ANXA11: variants seen among roughly 807,000 people sequenced by gnomAD.
The protein encoded by ANXA11 is 56 kDa autoantigen.
In ANXA11, 57 loss-of-function variants were observed where a neutral mutation model predicts 64.7. The ratio of observed to expected loss-of-function variants is 0.88; its 90% CI spans 0.71 to 1.10. The LOEUF (loss-of-function observed/expected upper bound fraction) is 1.10, where lower values mean the gene tolerates loss of function less well. ANXA11 is among the 50% of genes least tolerant of loss of function. The probability of loss-of-function intolerance (pLI) is 0.00; values close to 1 mark genes in which losing one functional copy is unlikely to be tolerated. For missense variants in ANXA11, 675 were observed against 670.7 expected (o/e 1.01, Z -0.07); for synonymous variants, 260 against 265.2 (o/e 0.98, Z 0.19).
intron 1 of ANXA11, among the ~76,000 whole-genome samples, chr10:80,179,260 G>A (rs1846275881): frequency 6.6e-6 from 1 of 152,138 alleles, no homozygotes; most frequent in Non-Finnish European, 1.5e-5. Context: ...ATGATTGTAA[G>A]TTTCCTGAGG....
At chr10:80,175,985 CG>C (rs1589435116) in intron 2 of ANXA11, 121 bp downstream of exon 2, 1 of 152,156 alleles carries the variant, frequency 6.6e-6, no homozygotes, top group Non-Finnish European at 1.5e-5. Context: ...ACCTGGGAGG[CG>C]GAAGTTGCAG....
intron 1 of ANXA11, among the ~76,000 whole-genome samples, chr10:80,184,154 A>T (rs1846452402): frequency 6.6e-6 from 1 of 152,208 alleles, no homozygotes; most frequent in African/African-American, 2.4e-5. Context: ...ACACCCCTGT[A>T]TTGTTTTGAA....
At chr10:80,166,641 T>C in intron 7 of ANXA11, 1 of 548,278 alleles carries the variant, frequency 1.8e-6, no homozygotes, top group Non-Finnish European at 3.3e-6. Flanking sequence ...ACAACCTCAG[T>C]GAGATGTGGC....
Position 80,162,038 on chromosome 10 carries a change from G to A in ANXA11, c.1087-10C>T, listed in dbSNP as rs762584554. On this transcript the variant is annotated splice_polypyrimidine_tract_variant and intron_variant, in intron 11 of 15. Coordinates refer to ENST00000422982, the MANE Select transcript of ANXA11 (RefSeq NM_145868.2). ...CGGCCGCATACAGCTCCTGGAGAGAGAGGAAGACGCACATGTGGCACAGGC... is the reference window on the plus strand; with the variant it reads ...CGGCCGCATACAGCTCCTGGAGAGAAAGGAAGACGCACATGTGGCACAGGC... 2 of 1,607,198 alleles carry A rather than the reference G, an allele frequency of 1.2e-6. No individual in the cohort carries two copies. The highest frequency in any genetic ancestry group is 1.3e-5 in the African/African-American group (1 of 74,918).
intron 1 of ANXA11, among the ~76,000 whole-genome samples, chr10:80,186,922 G>C (rs912627366): frequency 2.0e-5 from 3 of 152,220 alleles, no homozygotes; most frequent in Non-Finnish European, 4.4e-5. Flanking sequence ...GCTCACATAA[G>C]AGCCAATGCT....
Position 80,163,535 on chromosome 10 carries a change from TGAGA to T in ANXA11, c.1024_1027del (p.Ser342ArgfsTer50). ...CGAGCCCTGTCGTGGGAAAAGTACC[TGAGA>T]GAGAGAGATGAGGAGCCGCTGGAAG... On this transcript the variant is annotated frameshift_variant and splice_region_variant, in exon 10 of 16. Transcript: ENST00000422982. LOFTEE classifies it high-confidence loss of function. 3 of 1,583,780 alleles carry T rather than the reference TGAGA, an allele frequency of 1.9e-6. No individual in the cohort carries two copies. The highest frequency in any genetic ancestry group is 2.3e-5 in the East Asian group (1 of 43,544).
At chr10:80,159,794 C>G (rs1288699149) in intron 12 of ANXA11, among the ~76,000 whole-genome samples, 8 of 152,174 alleles carry the variant, frequency 5.3e-5, no homozygotes, top group African/African-American at 1.9e-4. Flanking sequence ...ACCTTAATAC[C>G]CCTCCAGGGC....
At chr10:80,196,125 C>T (rs1167883936) in intron 1 of ANXA11, among the ~76,000 whole-genome samples, 1 of 152,216 alleles carries the variant, frequency 6.6e-6, no homozygotes, top group East Asian at 1.9e-4. Flanking sequence ...AGGATAGATA[C>T]ATATATTACA....
rs1219092277 is a variant in ANXA11 at position 80,152,743 on chromosome 10, G to A, written c.*3110C>T. The A allele has an allele frequency of 6.6e-6, 1 of 152,376 alleles. No individual in the cohort carries two copies. Among genetic ancestry groups the A allele is most frequent in the Non-Finnish European group, 1.5e-5 (1 of 68,174 alleles). The allele number at this position is 152,376 out of a possible 1,614,324, so 9.4% of individuals were successfully genotyped here. A position where few individuals can be genotyped will look rare whatever the true frequency, so the allele number is the denominator to read the frequency against. The stretch of plus-strand genomic sequence containing the variant: ...GCTCTGTGGCTCCTGCCACCCCCAT[G>A]CTTGCAGGTGCACTCCCTGGCTACA... On this transcript the variant is annotated 3_prime_UTR_variant, in exon 16 of 16. Coordinates refer to ENST00000422982, the MANE Select transcript of ANXA11 (RefSeq NM_145868.2).
chr10:80,155,642 A>AAG lies in ANXA11; in HGVS notation c.*210_*211insCT. On this transcript the variant is annotated 3_prime_UTR_variant, in exon 16 of 16. Transcript: ENST00000422982. ...TTTTAGCAGCAAGAGGCTGTGAGGGATGGGGTAGAAAAGGCATCCTGAGAG... is the reference window on the plus strand; with the variant it reads ...TTTTAGCAGCAAGAGGCTGTGAGGGAAGTGGGGTAGAAAAGGCATCCTGAGAG... The AAG allele has an allele frequency of 1.8e-6, 1 of 542,702 alleles. No individual in the cohort carries two copies. The highest frequency in any genetic ancestry group is 3.3e-6 in the Non-Finnish European group (1 of 306,844). 33.6% of individuals were successfully genotyped at this position (542,702 alleles called of 1,614,324 possible). A position where few individuals can be genotyped will look rare whatever the true frequency, so the allele number is the denominator to read the frequency against.
chr10:80,159,182 G>A lies in ANXA11; in HGVS notation c.1194C>T (p.Tyr398=). 1.2e-6 allele frequency: 2 copies of A among 1,613,876 alleles called. No individual in the cohort carries two copies. Among genetic ancestry groups the A allele is most frequent in the East Asian group, 2.2e-5 (1 of 44,876 alleles). ...CAATGTCCCGGCCTGTCATTCTCTG[G>A]TACTCATTGAAAACTATGGGGATGA... ...RAHLVAVFNE[Y]QRMTGRDIEK... Residue 398 remains tyrosine, a synonymous_variant, in exon 13 of 16, where the codon TAC becomes TAT. Transcript: ENST00000422982.
chr10:80,201,938 A>G (rs1044494871), intron 1 of ANXA11, among the ~76,000 whole-genome samples: 1 of 152,008 alleles, frequency 6.6e-6, no homozygotes, highest in African/African-American at 2.4e-5. Flanking sequence ...GGGGCAGGGG[A>G]CACCTGACTT....
chr10:80,173,133 G>A, intron 2 of ANXA11: 1 of 461,070 alleles, frequency 2.2e-6, no homozygotes, highest in East Asian at 4.2e-5. Context: ...CACTCCCCAT[G>A]AGCCAGTTTC....
intron 3 of ANXA11, chr10:80,171,834 G>A (rs539548518): frequency 2.0e-6 from 2 of 985,526 alleles, no homozygotes; most frequent in African/African-American, 3.5e-5. Context: ...GGATCTGGAT[G>A]GCAGGATTTC....
intron 5 of ANXA11, among the ~76,000 whole-genome samples, chr10:80,168,252 C>CGGGGG (rs3838345): frequency 1.1e-5 from 1 of 95,072 alleles, no homozygotes; most frequent in Non-Finnish European, 2.2e-5. Flanking sequence ...CTGTCTGTGC[C>CGGGGG]GGGGGGGGCG....
At chr10:80,171,289 G>A in intron 3 of ANXA11, 1 of 1,073,268 alleles carries the variant, frequency 9.3e-7, no homozygotes, top group Non-Finnish European at 1.1e-6. Context: ...CATGACAGAG[G>A]TGACCATAGG....
At chr10:80,171,699 T>C (rs1299685979) in intron 3 of ANXA11, 3 of 985,524 alleles carry the variant, frequency 3.0e-6, no homozygotes, top group Non-Finnish European at 3.6e-6. Flanking sequence ...ACATGGCAGC[T>C]TCGGATCGGC....
At chr10:80,178,549 G>A (rs556543831) in intron 1 of ANXA11, among the ~76,000 whole-genome samples, 93 of 152,340 alleles carry the variant, frequency 6.1e-4, no homozygotes, top group African/African-American at 1.9e-3. Flanking sequence ...TCCTCACTGC[G>A]ACCATCCACC....
rs533543773 is a variant in ANXA11, at chr10:80,171,056, T to A, written c.56-141A>T. On this transcript the variant is annotated intron_variant, in intron 3 of 15. Coordinates refer to ENST00000422982, the MANE Select transcript of ANXA11 (RefSeq NM_145868.2). ...GAGCCTCGGGACACCACAGACCACA[T>A]GAAAACACCAGGAGGAAAGTCTCCC... The A allele has an allele frequency of 6.2e-5, 95 of 1,523,562 alleles. No homozygotes were observed. The African/African-American group carries it at 9.5e-4, about 15-fold the overall frequency. The allele number at this position is 1,523,562 out of a possible 1,614,324, so 94.4% of individuals were successfully genotyped here. A position where few individuals can be genotyped will look rare whatever the true frequency, so the allele number is the denominator to read the frequency against.
Sources: gnomAD v4.1 joint callset for allele counts (sites outside exome capture counted in the v4.1 genomes callset) on GRCh38, gnomAD v4.1.1 for gene constraint, MANE v1.5 for transcripts, NCBI Gene and HGNC (gene_info 2026-07-23, HGNC 2026-07-21) for gene names.